Variants in DHRS12 observed in about 807,000 individuals in gnomAD.
DHRS12 encodes dehydrogenase/reductase SDR family member 12.
DHRS12 carries 29 observed loss-of-function variants against 32.1 expected under a neutral mutation model. The ratio of observed to expected loss-of-function variants is 0.90; its 90% confidence interval spans 0.67 to 1.23. DHRS12 has a LOEUF of 1.23. Among genes scored for constraint, DHRS12 ranks in the 50% most tolerant of loss-of-function variants. The pLI, the probability that DHRS12 is intolerant of heterozygous loss-of-function variation, is 0.00. For missense variants in DHRS12, 330 were observed against 337.2 expected (o/e 0.98, Z 0.17); for synonymous variants, 150 against 135.9 (o/e 1.10, Z -0.72).
intron 4 of DHRS12, among the ~76,000 whole-genome samples, chr13:51,778,689 G>C (rs1055990363): frequency 6.6e-6 from 1 of 152,080 alleles, no homozygotes. Flanking sequence ...GGCGAGAGCT[G>C]GGGTGAGCCC....
At chr13:51,793,099 C>T (rs1453883307) in intron 2 of DHRS12, among the ~76,000 whole-genome samples, 2 of 152,152 alleles carry the variant, frequency 1.3e-5, no homozygotes, top group Non-Finnish European at 1.5e-5. Context: ...GCTTAGAACT[C>T]CATGAGTAAG....
intron 7 of DHRS12, 63 bp from the exon 8 acceptor site, chr13:51,769,356 C>T (rs1231351128): frequency 8.0e-7 from 1 of 1,252,154 alleles, no homozygotes; most frequent in Admixed American, 3.6e-5. Flanking sequence ...GTTGACTTCC[C>T]TTAATTTAAA....
At chr13:51,793,347 A>T (rs1955367316) in intron 2 of DHRS12, among the ~76,000 whole-genome samples, 1 of 152,188 alleles carries the variant, frequency 6.6e-6, no homozygotes, top group African/African-American at 2.4e-5. Context: ...ACAGACGAGG[A>T]TCTGAGCAAG....
At chr13:51,767,901 T>C (rs372202753), downstream of DHRS12, 10 of 966,820 alleles carry the variant, frequency 1.0e-5, no homozygotes, top group East Asian at 1.1e-4. Flanking sequence ...CCCCTAAGAC[T>C]GAAATGATGG....
At chr13:51,798,843 C>A (rs777880815) in intron 2 of DHRS12, among the ~76,000 whole-genome samples, 4 of 152,222 alleles carry the variant, frequency 2.6e-5, no homozygotes, top group Non-Finnish European at 5.9e-5. Flanking sequence ...ATGCAGCAAA[C>A]TTTTCTAGCC....
intron 1 of DHRS12, among the ~76,000 whole-genome samples, chr13:51,800,671 C>G (rs1955712498): frequency 6.6e-6 from 1 of 152,262 alleles, no homozygotes; most frequent in African/African-American, 2.4e-5. Context: ...GCCCCATGCC[C>G]TGGTACAGCA....
intron 6 of DHRS12, chr13:51,772,763 G>T (rs1408160567): frequency 1.0e-6 from 1 of 985,248 alleles, no homozygotes; most frequent in Non-Finnish European, 1.2e-6. Context: ...TCCATCTCTG[G>T]GCCTCATTTA....
chr13:51,768,324 G>A, intron 8 of DHRS12, 28 bp from the exon 9 acceptor site: 2 of 1,535,186 alleles, frequency 1.3e-6, no homozygotes, highest in African/African-American at 1.4e-5. Context: ...CCGCAGAGAG[G>A]TGTGAGCTGC....
the DHRS12 span, among the ~76,000 whole-genome samples, chr13:51,756,956 A>T: frequency 2.6e-5 from 4 of 152,178 alleles, no homozygotes; most frequent in Non-Finnish European, 4.4e-5. Context: ...AACCCAGGAC[A>T]TAGGTTACTT....
chr13:51,786,362 G>C (rs536001884), intron 4 of DHRS12, among the ~76,000 whole-genome samples: 17 of 152,286 alleles, frequency 1.1e-4, no homozygotes, highest in African/African-American at 4.1e-4. Flanking sequence ...ACTTAGCTCA[G>C]CCTCCCCGCC....
rs1417429652 is a variant in DHRS12 at position 51,768,246 on chromosome 13, G to T, written c.748C>A (p.Pro250Thr). 2 of 1,536,154 alleles carry T rather than the reference G, an allele frequency of 1.3e-6. No homozygotes were observed. Among genetic ancestry groups the T allele is most frequent in the Admixed American group, 3.9e-5 (2 of 51,008 alleles). Residue 250 changes from proline to threonine, a missense_variant, in exon 9 of 9, where the codon CCG (proline) becomes ACG (threonine). Pro to Thr is a conservative substitution (Grantham distance 38, BLOSUM62 -1). Transcript: ENST00000444610. ...TCAATGAGTTTCTCCTCTTCGGCCG[G>T]TGAGGAGGACGCTGTAGCGAGAGGC... ...HLPLATASSSPAEEEKLIEIL... is the reference protein window; with the variant it reads ...HLPLATASSSTAEEEKLIEIL...
At chr13:51,756,233 A>C in the DHRS12 span, 9 of 1,497,136 alleles carry the variant, frequency 6.0e-6, no homozygotes, top group Admixed American at 8.6e-5. Context: ...CCTCACCTGG[A>C]TGCAGTTGAT....
chr13:51,791,900 A>T (rs990214655), intron 2 of DHRS12, among the ~76,000 whole-genome samples: 1 of 152,230 alleles, frequency 6.6e-6, no homozygotes, highest in East Asian at 1.9e-4. Flanking sequence ...TAGCTCCTCC[A>T]GGTTCATCCA....
At chr13:51,785,337 G>A (rs541612343) in intron 4 of DHRS12, among the ~76,000 whole-genome samples, 5 of 151,762 alleles carry the variant, frequency 3.3e-5, no homozygotes, top group East Asian at 1.9e-4. Flanking sequence ...TCAAAGAATT[G>A]GAATGTAAAA....
chr13:51,767,898 G>T, downstream of DHRS12: 1 of 915,946 alleles, frequency 1.1e-6, no homozygotes, highest in Non-Finnish European at 1.4e-6. Flanking sequence ...CGTCCCCTAA[G>T]ACTGAAATGA....
At chr13:51,801,256 G>A (rs1160352700) in intron 1 of DHRS12, among the ~76,000 whole-genome samples, 5 of 152,202 alleles carry the variant, frequency 3.3e-5, no homozygotes, top group South Asian at 2.1e-4. Context: ...GCGCGATCTC[G>A]GCTCACTGCA....
downstream of DHRS12, chr13:51,767,406 G>C (rs965049699): frequency 1.3e-5 from 2 of 152,270 alleles, no homozygotes; most frequent in Non-Finnish European, 2.9e-5. Flanking sequence ...GTCCTTGGCT[G>C]ATGATGAGCC....
chr13:51,789,882 A>T (rs891945455), intron 4 of DHRS12, 129 bp downstream of exon 4: 19 of 1,348,552 alleles, frequency 1.4e-5, no homozygotes, highest in Non-Finnish European at 1.8e-5. Context: ...AATTCAGAAT[A>T]AACTTAAAGC....
intron 4 of DHRS12, among the ~76,000 whole-genome samples, chr13:51,786,642 T>G (rs1387720674): frequency 6.6e-6 from 1 of 152,182 alleles, no homozygotes; most frequent in Non-Finnish European, 1.5e-5. Context: ...TTCCAAACTA[T>G]CTAATTCATA....
Sources: allele counts gnomAD v4.1 joint callset (sites outside exome capture counted in the v4.1 genomes callset), GRCh38; gene constraint gnomAD v4.1.1; transcripts MANE v1.5; gene names NCBI Gene and HGNC (gene_info 2026-07-23, HGNC 2026-07-21).